ASCC3: variants seen among roughly 807,000 people sequenced by gnomAD.
ASCC3 encodes ASC-1 complex subunit P200.
A neutral mutation model predicts 256.3 loss-of-function variants in ASCC3; 158 were observed. The observed-to-expected ratio is 0.62, with a 90% CI of 0.54 to 0.70. ASCC3 has a LOEUF of 0.70. Ranked by LOEUF, ASCC3 falls within the 30% of genes least tolerant of loss-of-function variation. ASCC3 has a pLI of 0.00. For missense variants in ASCC3, 2,259 were observed against 2,626.0 expected (o/e 0.86, Z 3.05); for synonymous variants, 948 against 883.4 (o/e 1.07, Z -1.30).
At chr6:100,689,855 T>C (rs573896353) in intron 13 of ASCC3, among the ~76,000 whole-genome samples, 1 of 152,260 alleles carries the variant, frequency 6.6e-6, no homozygotes. Context: ...GATAGTGTTA[T>C]AGAAATACAT....
chr6:100,535,455 CT>C (rs1775111336), intron 37 of ASCC3, among the ~76,000 whole-genome samples: 1 of 145,334 alleles, frequency 6.9e-6, no homozygotes, highest in Admixed American at 7.0e-5. Flanking sequence ...GAATATGAAG[CT>C]GGTTTTCGTG....
chr6:100,805,909 A>T lies in ASCC3; in HGVS notation c.802-29T>A, dbSNP rs747095377. On this transcript the variant is annotated intron_variant, in intron 4 of 41. Transcript: ENST00000369162. ...ATAAAAAGAGAAAAAAGTAACAAAC[A>T]TCAGTTATCTCAAAGTTTAACTTTT... The T allele has an allele frequency of 2.5e-6, 4 of 1,605,310 alleles. No homozygotes were observed. In the South Asian group the frequency reaches 3.3e-5, roughly 13 times the overall value.
chr6:100,874,703 G>C (rs1239307692), intron 1 of ASCC3, among the ~76,000 whole-genome samples: 1 of 152,068 alleles, frequency 6.6e-6, no homozygotes, highest in Non-Finnish European at 1.5e-5. Flanking sequence ...TCAATGATGA[G>C]CTTACAGTAT....
In ASCC3 at chr6:100,509,052, AT is replaced by A. The variant is rs761351891; in HGVS notation, c.*333del. The A allele has an allele frequency of 6.1e-6, 2 of 326,258 alleles. No homozygotes were observed. Among genetic ancestry groups the A allele is most frequent in the Non-Finnish European group, 1.2e-5 (2 of 169,702 alleles). The allele number at this position is 326,258 out of a possible 1,614,324, so 20.2% of individuals were successfully genotyped here. A position where few individuals can be genotyped will look rare whatever the true frequency, so the allele number is the denominator to read the frequency against. Reference sequence around the variant, plus strand: ...TCCTTAAAAAAAGCAGCCAATATCCATGTAAACAGTACATTGTGAGATGTAA... The same window carrying A: ...TCCTTAAAAAAAGCAGCCAATATCCAGTAAACAGTACATTGTGAGATGTAA... On this transcript the variant is annotated 3_prime_UTR_variant, in exon 42 of 42. Coordinates refer to ENST00000369162, the MANE Select transcript of ASCC3 (RefSeq NM_006828.4).
At chr6:100,674,821 C>T (rs748580638) in intron 14 of ASCC3, among the ~76,000 whole-genome samples, 11 of 151,754 alleles carry the variant, frequency 7.2e-5, no homozygotes, top group South Asian at 6.2e-4. Flanking sequence ...TTAGTAGAGA[C>T]GGGGTTTCAC....
chr6:100,657,126 A>G (rs1056390046), intron 16 of ASCC3, among the ~76,000 whole-genome samples: 1 of 151,286 alleles, frequency 6.6e-6, no homozygotes, highest in Non-Finnish European at 1.5e-5. Flanking sequence ...TTTTCATTAT[A>G]ATGTATAATT....
rs1771433748 is a variant in ASCC3, at chr6:100,828,362, T to C, written c.801+19786A>G. On this transcript the variant is annotated intron_variant, in intron 4 of 41. Coordinates refer to ENST00000369162, the MANE Select transcript of ASCC3 (RefSeq NM_006828.4). ...GGTATCTATTGTAGTAGTTCCCCTT[T>C]ATCCGCGGTGGGGAGATACATTCCA... 2.0e-5 allele frequency among the ~76,000 whole-genome samples: 3 copies of C among 152,314 alleles called. No individual in the cohort carries two copies. The South Asian group carries it at 6.2e-4, about 32-fold the overall frequency.
intron 16 of ASCC3, among the ~76,000 whole-genome samples, chr6:100,657,098 A>C (rs1450421711): frequency 6.6e-6 from 1 of 151,282 alleles, no homozygotes; most frequent in Non-Finnish European, 1.5e-5. Context: ...GTTGAAGATG[A>C]GATTTAGTAA....
At chr6:100,780,098 C>T (rs1782374809) in intron 8 of ASCC3, among the ~76,000 whole-genome samples, 1 of 152,102 alleles carries the variant, frequency 6.6e-6, no homozygotes, top group South Asian at 2.1e-4. Context: ...ATTAGAAACA[C>T]ACAAAAACAT....
At position 100,661,941 on chromosome 6, in the gene ASCC3, T is replaced by A. The variant is rs150836024; in HGVS notation, c.2568A>T (p.Pro856=). Reference sequence around the variant, plus strand: ...TTCCTTCCCCAAATTTGTCAAATTGTGGTCGTCCAGCTCGACCAAATATCT... The same window carrying A: ...TTCCTTCCCCAAATTTGTCAAATTGAGGTCGTCCAGCTCGACCAAATATCT... ...VMQIFGRAGR[P]QFDKFGEGII... is the part of the protein sequence containing the mutation. The change falls in exon 16 of 42, where the codon CCA becomes CCT. Residue 856 remains proline (P), a synonymous_variant. Transcript: ENST00000369162. 2 of 1,613,364 alleles carry A rather than the reference T, an allele frequency of 1.2e-6. No homozygotes were observed. The highest frequency in any genetic ancestry group is 2.7e-5 in the African/African-American group (2 of 74,886).
rs142954428 is a variant in ASCC3 at position 100,663,536 on chromosome 6, C to A, written c.2287-1000G>T. Among the ~76,000 whole-genome samples the A allele has an allele frequency of 1.4e-4, 21 of 152,158 alleles. 1 individual carries two copies. Among genetic ancestry groups the A allele is most frequent in the African/African-American group, 5.1e-4 (21 of 41,540 alleles). On this transcript the variant is annotated intron_variant, in intron 14 of 41. Transcript: ENST00000369162. ...GTGTTTGCAAGTCACCCTTATTTTA[C>A]TTAATAATGGCCCTGAAGCACAACA... is the stretch of plus-strand genomic sequence containing the variant.
intron 10 of ASCC3, among the ~76,000 whole-genome samples, chr6:100,754,020 CCTA>C (rs1197274301): frequency 2.0e-5 from 3 of 152,082 alleles, no homozygotes; most frequent in African/African-American, 7.2e-5. Flanking sequence ...AATTCAAATT[CCTA>C]CTATTTAACT....
chr6:100,581,336 T>C (rs969271227), intron 36 of ASCC3, among the ~76,000 whole-genome samples: 8 of 152,154 alleles, frequency 5.3e-5, no homozygotes, highest in African/African-American at 1.9e-4. Context: ...TGGCCAGTGA[T>C]GGTGAGCATT....
At chr6:100,843,214 T>C (rs1036929375) in intron 4 of ASCC3, among the ~76,000 whole-genome samples, 3 of 152,132 alleles carry the variant, frequency 2.0e-5, no homozygotes, top group Non-Finnish European at 2.9e-5. Flanking sequence ...CAAAGGATGA[T>C]AGAATCATTT....
At chr6:100,723,559 C>T (rs1195606939) in intron 11 of ASCC3, among the ~76,000 whole-genome samples, 1 of 151,308 alleles carries the variant, frequency 6.6e-6, no homozygotes, top group Non-Finnish European at 1.5e-5. Flanking sequence ...CATTATGTCA[C>T]TTATTGTACC....
Position 100,582,944 on chromosome 6 carries a change from A to G in ASCC3, c.5550+6690T>C, listed in dbSNP as rs1245790118. Among the ~76,000 whole-genome samples, 13 of 152,266 alleles carry G rather than the reference A, an allele frequency of 8.5e-5. No individual in the cohort carries two copies. In the East Asian group the frequency reaches 1.7e-3, roughly 20 times the overall value. On this transcript the variant is annotated intron_variant, in intron 36 of 41. Coordinates refer to ENST00000369162, the MANE Select transcript of ASCC3 (RefSeq NM_006828.4). ...GCATCCCAGAGATGAAGCCCACTTG[A>G]TCATGGTGGATAAGCTTTTTGATGT... is the stretch of plus-strand genomic sequence containing the variant.
intron 37 of ASCC3, among the ~76,000 whole-genome samples, chr6:100,528,206 A>C (rs1157674982): frequency 6.6e-6 from 1 of 152,180 alleles, no homozygotes; most frequent in Non-Finnish European, 1.5e-5. Context: ...CATTTTCAGA[A>C]TATCTGTGAA....
At chr6:100,577,628 T>A (rs890759261) in intron 36 of ASCC3, among the ~76,000 whole-genome samples, 13 of 152,196 alleles carry the variant, frequency 8.5e-5, no homozygotes, top group African/African-American at 2.9e-4. Flanking sequence ...CCTTAGAGCA[T>A]CACACTGAGC....
rs758897211 is a variant in ASCC3, at chr6:100,627,675, T to C, written c.4557A>G (p.Pro1519=). ...CTTGAATGTGAACTTCCAGTGGAAC[T>C]GGGCGTACTGATGGTCGGAAGTTAA... The part of the protein sequence containing the change: ...GLFNFRPSVR[P]VPLEVHIQGF... Residue 1519 remains proline, a synonymous_variant, in exon 29 of 42, where the codon CCA becomes CCG. Coordinates refer to ENST00000369162, the MANE Select transcript of ASCC3 (RefSeq NM_006828.4). The C allele has an allele frequency of 6.2e-7, 1 of 1,613,538 alleles. No homozygotes were observed. Among genetic ancestry groups the C allele is most frequent in the African/African-American group, 1.3e-5 (1 of 74,900 alleles).
Sources: allele counts gnomAD v4.1 joint callset (sites outside exome capture counted in the v4.1 genomes callset), GRCh38; gene constraint gnomAD v4.1.1; transcripts MANE v1.5; gene names NCBI Gene and HGNC (gene_info 2026-07-23, HGNC 2026-07-21).